The following B4GALT1 variants were observed in gnomAD, a reference collection of about 807,000 sequenced individuals.
The protein encoded by B4GALT1 is N-acetyllactosamine synthase.
A neutral mutation model predicts 34.9 loss-of-function variants in B4GALT1; 16 were observed. The observed-to-expected ratio is 0.46, with a 90% confidence interval of 0.31 to 0.70. The LOEUF is 0.70. Among genes scored for constraint, B4GALT1 ranks in the 30% least tolerant of loss-of-function variants. The probability of loss-of-function intolerance (pLI) is 0.05; values close to 1 mark genes in which losing one functional copy is unlikely to be tolerated. For synonymous variants in B4GALT1, 221 were observed against 218.1 expected, an observed-to-expected ratio of 1.01 and a Z score of -0.12; for missense variants, 445 against 530.5, an observed-to-expected ratio of 0.84 and a Z score of 1.58.
chr9:33,173,432 A>G, the B4GALT1 span, among the ~76,000 whole-genome samples: 1 of 151,714 alleles, frequency 6.6e-6, no homozygotes, highest in Non-Finnish European at 1.5e-5. Context: ...AAAAAAAAGC[A>G]ACTATATATA....
chr9:33,147,577 A>C (rs1840447559), intron 1 of B4GALT1, among the ~76,000 whole-genome samples: 1 of 152,194 alleles, frequency 6.6e-6, no homozygotes, highest in African/African-American at 2.4e-5. Context: ...AATTCAGTAG[A>C]GGATAAGGTG....
chr9:33,125,117 A>C (rs1840072440), intron 2 of B4GALT1, among the ~76,000 whole-genome samples: 1 of 152,184 alleles, frequency 6.6e-6, no homozygotes, highest in East Asian at 1.9e-4. Context: ...AAAACATATA[A>C]AATCCCCAAA....
chr9:33,124,415 C>T (rs1168559233), intron 2 of B4GALT1, among the ~76,000 whole-genome samples: 1 of 152,222 alleles, frequency 6.6e-6, no homozygotes, highest in Non-Finnish European at 1.5e-5. Flanking sequence ...ACTTGGGGTA[C>T]ATCACACCTC....
intron 1 of B4GALT1, among the ~76,000 whole-genome samples, chr9:33,153,586 AATGT>A (rs1361642088): frequency 6.6e-6 from 1 of 152,230 alleles, no homozygotes; most frequent in Admixed American, 6.5e-5. Context: ...ATCACTATGA[AATGT>A]ATGCCAACAA....
intron 1 of B4GALT1, among the ~76,000 whole-genome samples, chr9:33,147,063 C>T (rs1235562030): frequency 2.0e-5 from 3 of 152,244 alleles, no homozygotes; most frequent in East Asian, 1.9e-4. Flanking sequence ...GAAGGAATTA[C>T]AGCCTAGGTT....
chr9:33,120,756 A>G (rs965535424), intron 2 of B4GALT1, 150 bp from the exon 3 acceptor site: 1 of 772,788 alleles, frequency 1.3e-6, no homozygotes, highest in Admixed American at 2.1e-5. Flanking sequence ...AACACAGAGT[A>G]CCAAAACCTC....
chr9:33,132,487 G>A (rs759856261), intron 2 of B4GALT1, among the ~76,000 whole-genome samples: 1 of 152,210 alleles, frequency 6.6e-6, no homozygotes, highest in African/African-American at 2.4e-5. Flanking sequence ...TTCCTCAAGC[G>A]TATTTCGCTC....
At chr9:33,178,427 A>G in the B4GALT1 span, among the ~76,000 whole-genome samples, 6 of 152,230 alleles carry the variant, frequency 3.9e-5, no homozygotes, top group Non-Finnish European at 7.3e-5. Context: ...TAAGAGATGT[A>G]GGAAAGAATT....
chr9:33,172,196 T>TAGGTCTCCCTGGGCTGGCTC (rs1840848583), upstream of B4GALT1, among the ~76,000 whole-genome samples: 1 of 152,186 alleles, frequency 6.6e-6, no homozygotes, highest in Non-Finnish European at 1.5e-5. Flanking sequence ...GTGGTGACTT[T>TAGGTCTCCCTGGGCTGGCTC]AGGTCTCCCT....
At chr9:33,118,556 G>C (rs1395103029) in intron 3 of B4GALT1, among the ~76,000 whole-genome samples, 2 of 151,584 alleles carry the variant, frequency 1.3e-5, no homozygotes, top group Admixed American at 6.6e-5. Context: ...TGTGGTCCCA[G>C]CTACTAGGAA....
At chr9:33,117,764 C>G (rs1839961412) in intron 3 of B4GALT1, among the ~76,000 whole-genome samples, 1 of 152,226 alleles carries the variant, frequency 6.6e-6, no homozygotes, top group South Asian at 2.1e-4. Context: ...TAGGTGTCAT[C>G]ACTTAGGTGC....
chr9:33,140,209 C>T (rs1778822615), intron 1 of B4GALT1, among the ~76,000 whole-genome samples: 1 of 152,188 alleles, frequency 6.6e-6, no homozygotes, highest in Admixed American at 6.5e-5. Flanking sequence ...TTAGCCTCAG[C>T]AAAATAGGCT....
upstream of B4GALT1, among the ~76,000 whole-genome samples, chr9:33,171,334 C>T (rs1840838520): frequency 6.6e-6 from 1 of 152,166 alleles, no homozygotes; most frequent in Non-Finnish European, 1.5e-5. Context: ...GTCATGGGGC[C>T]TTCATTCTCC....
chr9:33,126,073 C>G (rs1185721909), intron 2 of B4GALT1, among the ~76,000 whole-genome samples: 2 of 152,176 alleles, frequency 1.3e-5, no homozygotes, highest in Non-Finnish European at 2.9e-5. Flanking sequence ...CAGAGCCACA[C>G]CCCTCCCCAC....
At chr9:33,171,022 A>G (rs1477192683), upstream of B4GALT1, among the ~76,000 whole-genome samples, 2 of 152,168 alleles carry the variant, frequency 1.3e-5, no homozygotes, top group East Asian at 1.9e-4. Context: ...CTGCCCTCCT[A>G]TGGCGCCCTC....
At chr9:33,164,736 C>A (rs567553907) in intron 1 of B4GALT1, among the ~76,000 whole-genome samples, 8 of 152,148 alleles carry the variant, frequency 5.3e-5, no homozygotes, top group Non-Finnish European at 7.4e-5. Flanking sequence ...ATCAACTTTG[C>A]GGTACTTTTG....
At chr9:33,162,202 A>G (rs1204042215) in intron 1 of B4GALT1, among the ~76,000 whole-genome samples, 2 of 152,238 alleles carry the variant, frequency 1.3e-5, no homozygotes, top group Non-Finnish European at 2.9e-5. Context: ...AAATTAGAGG[A>G]AAATTTTCAC....
intron 1 of B4GALT1, among the ~76,000 whole-genome samples, chr9:33,164,981 T>A (rs2118333867): frequency 6.6e-6 from 1 of 150,660 alleles, no homozygotes; most frequent in African/African-American, 2.4e-5. Flanking sequence ...TTTTTTTTTT[T>A]TTTTTTTTTT....
At chr9:33,137,806 G>A (rs549010469) in intron 1 of B4GALT1, among the ~76,000 whole-genome samples, 1 of 152,250 alleles carries the variant, frequency 6.6e-6, no homozygotes, top group African/African-American at 2.4e-5. Context: ...GGCCCTCGGG[G>A]ATTCCCACCA....
Sources: gnomAD v4.1 joint callset for allele counts (sites outside exome capture counted in the v4.1 genomes callset) on GRCh38, gnomAD v4.1.1 for gene constraint, MANE v1.5 for transcripts, NCBI Gene and HGNC (gene_info 2026-07-23, HGNC 2026-07-21) for gene names.